LPIN2: variants seen among roughly 807,000 people sequenced by gnomAD.
LPIN2 encodes lipin 2, also known as phosphatidate phosphatase LPIN2.
LPIN2 carries 55 observed loss-of-function variants against 111.4 expected under a neutral mutation model. The observed-to-expected ratio is 0.49, with a 90% CI of 0.40 to 0.62. The LOEUF (loss-of-function observed/expected upper bound fraction) is 0.62. Among genes scored for constraint, LPIN2 ranks in the 20% least tolerant of loss-of-function variants. The pLI is 0.00. For missense variants in LPIN2, 992 were observed against 1,112.1 expected (o/e 0.89, Z 1.54); for synonymous variants, 425 against 414.0 (o/e 1.03, Z -0.32).
Position 2,950,998 on chromosome 18 carries a change from G to A in LPIN2, c.590+57C>T, listed in dbSNP as rs887983088. On this transcript the variant is annotated intron_variant, in intron 4 of 19. Transcript: ENST00000677752. ...ATCCATAAAAAAACTGGCAGCTCCT[G>A]GCTTCACATGAACTCTAGGTACCCG... 1.2e-5 allele frequency: 19 copies of A among 1,597,776 alleles called. No individual in the cohort carries two copies. In the African/African-American group the frequency reaches 2.3e-4, roughly 19 times the overall value.
At chr18:2,941,977 G>C (rs2077373342) in intron 4 of LPIN2, among the ~76,000 whole-genome samples, 1 of 152,100 alleles carries the variant, frequency 6.6e-6, no homozygotes, top group African/African-American at 2.4e-5. Context: ...CAAGTTTAAA[G>C]GCTTCTTATA....
At position 2,929,111 on chromosome 18, in the gene LPIN2, G is replaced by C. The variant is rs2077177749; in HGVS notation, c.1504C>G (p.Pro502Ala). 6.2e-7 allele frequency: 1 copy of C among 1,607,588 alleles called. No homozygotes were observed. The highest frequency in any genetic ancestry group is 8.5e-7 in the Non-Finnish European group (1 of 1,174,440). Residue 502 changes from proline to alanine, a missense_variant, in exon 10 of 20, where the codon CCT becomes GCT. By Grantham distance (27) the Pro-to-Ala change is conservative (BLOSUM62 -1). This residue lies in a region of LPIN2 where 709 missense variants were observed against 753.2 expected (regional missense o/e 0.94). Coordinates refer to ENST00000677752, the MANE Select transcript of LPIN2 (RefSeq NM_001375808.2). ...AGGTTAGGATTGTCTATAAGTCCAGGGTTTTCTGCAAATTCGTGATAAGTA... is the reference window on the plus strand; with the variant it reads ...AGGTTAGGATTGTCTATAAGTCCAGCGTTTTCTGCAAATTCGTGATAAGTA... ...IITYHEFAEN[P>A]GLIDNPNLVI...
rs562499770 is a variant in LPIN2 at position 3,005,632 on chromosome 18, G to GT, written c.-10+7454dup. On this transcript the variant is annotated intron_variant, in intron 1 of 19. Transcript: ENST00000677752. ...GTCCAGGCTGCAGTGAGCTGAAATC[G>GT]TGCCACTGTACTCCAGCCTGGACAA... Among the ~76,000 whole-genome samples, 837 of 151,784 alleles carry GT rather than the reference G, an allele frequency of 5.5e-3. 7 individuals carry two copies. Among genetic ancestry groups the GT allele is most frequent in the African/African-American group, 0.019 (789 of 41,410 alleles).
chr18:3,010,065 G>A (rs747022875), intron 1 of LPIN2, among the ~76,000 whole-genome samples: 17 of 152,244 alleles, frequency 1.1e-4, no homozygotes, highest in East Asian at 1.9e-4. Flanking sequence ...AAGTGGCCCC[G>A]GCAGGATTCT....
intron 7 of LPIN2, among the ~76,000 whole-genome samples, chr18:2,934,813 C>T (rs1240647434): frequency 2.6e-5 from 4 of 152,206 alleles, no homozygotes; most frequent in Non-Finnish European, 5.9e-5. Flanking sequence ...GAGGGCATTA[C>T]TCTAAAACCA....
intron 1 of LPIN2, among the ~76,000 whole-genome samples, chr18:2,994,733 G>C (rs1390335150): frequency 6.6e-6 from 1 of 152,166 alleles, no homozygotes; most frequent in Non-Finnish European, 1.5e-5. Flanking sequence ...CCAGATGCCA[G>C]TAGCACCCTC....
intron 1 of LPIN2, among the ~76,000 whole-genome samples, chr18:3,001,852 A>C (rs2078440184): frequency 6.6e-6 from 1 of 152,204 alleles, no homozygotes; most frequent in Non-Finnish European, 1.5e-5. Flanking sequence ...TAGCCTAATG[A>C]ATAAGAATCA....
chr18:2,931,044 A>C (rs1212527497), intron 9 of LPIN2, among the ~76,000 whole-genome samples: 1 of 152,194 alleles, frequency 6.6e-6, no homozygotes, highest in Non-Finnish European at 1.5e-5. Flanking sequence ...TAGAGCCTTT[A>C]AGGGCACACT....
chr18:2,979,138 AACT>A (rs2078067353), intron 1 of LPIN2: 1 of 152,224 alleles, frequency 6.6e-6, no homozygotes, highest in African/African-American at 2.4e-5. Context: ...CACCATGCCC[AACT>A]GAGATTTTTA....
chr18:2,993,433 T>C (rs1265713310), intron 1 of LPIN2, among the ~76,000 whole-genome samples: 2 of 152,186 alleles, frequency 1.3e-5, no homozygotes, highest in African/African-American at 4.8e-5. Context: ...CTCAATTTCC[T>C]CACCCAAAAA....
intron 18 of LPIN2, 183 bp downstream of exon 18, chr18:2,921,350 C>A: frequency 1.6e-6 from 1 of 643,782 alleles, no homozygotes; most frequent in South Asian, 1.8e-5. Context: ...CAGATCTGCA[C>A]CTGCAGGACC....
chr18:2,924,692 A>AG lies in LPIN2; in HGVS notation c.1939-147dup, dbSNP rs769907610. On this transcript the variant is annotated intron_variant, in intron 14 of 19. Transcript: ENST00000677752. Reference sequence around the variant, plus strand: ...CTTAGACACAGCCCACCCTGTGCCCAGCGCAGCTGACAATGCTGAGGGAGC... The same window carrying AG: ...CTTAGACACAGCCCACCCTGTGCCCAGGCGCAGCTGACAATGCTGAGGGAGC... The AG allele has an allele frequency of 1.6e-4, 131 of 815,504 alleles. 1 individual carries two copies. In the South Asian group the frequency reaches 1.9e-3, roughly 12 times the overall value. The allele number at this position is 815,504 out of a possible 1,614,324, so 50.5% of individuals were successfully genotyped here. A position where few individuals can be genotyped will look rare whatever the true frequency, so the allele number is the denominator to read the frequency against.
chr18:2,926,138 G>A (rs1568516319), intron 13 of LPIN2, among the ~76,000 whole-genome samples: 1 of 152,060 alleles, frequency 6.6e-6, no homozygotes, highest in Non-Finnish European at 1.5e-5. Context: ...ACAAAAACTA[G>A]TAAGAAAAAT....
intron 2 of LPIN2, among the ~76,000 whole-genome samples, chr18:2,959,877 T>C (rs1477977539): frequency 1.3e-5 from 2 of 150,936 alleles, no homozygotes; most frequent in Non-Finnish European, 3.0e-5. Context: ...AAAAAAAAAA[T>C]ATGGCCAGGT....
At position 3,007,563 on chromosome 18, in the gene LPIN2, A is replaced by G. The variant is rs113365727; in HGVS notation, c.-10+5524T>C. ...CGTCTCTCAGTGTTTACAAAGAAAAAAATAACACAGCCTCCTAAAACAAAC... is the reference window on the plus strand; with the variant it reads ...CGTCTCTCAGTGTTTACAAAGAAAAGAATAACACAGCCTCCTAAAACAAAC... On this transcript the variant is annotated intron_variant, in intron 1 of 19. Transcript: ENST00000677752. 3.0e-3 allele frequency among the ~76,000 whole-genome samples: 460 copies of G among 152,378 alleles called. 5 individuals are homozygous for G. The highest frequency in any genetic ancestry group is 0.011 in the African/African-American group (438 of 41,588).
rs971176238 is a variant in LPIN2 at position 2,946,460 on chromosome 18, T to C, written c.590+4595A>G. On this transcript the variant is annotated intron_variant, in intron 4 of 19. Coordinates refer to ENST00000677752, the MANE Select transcript of LPIN2 (RefSeq NM_001375808.2). ...GTGAAAGACTGGAACGCCTGGGTGA[T>C]ATGTGCAAGCATCGTCGGAATTGGT... 2.0e-5 allele frequency: 30 copies of C among 1,473,090 alleles called. No homozygotes were observed. In the Admixed American group the frequency reaches 2.7e-4, roughly 13 times the overall value. The allele number at this position is 1,473,090 out of a possible 1,614,324, so 91.3% of individuals were successfully genotyped here.
intron 1 of LPIN2, among the ~76,000 whole-genome samples, chr18:2,969,711 A>G (rs2077872939): frequency 1.3e-5 from 2 of 152,198 alleles, no homozygotes; most frequent in African/African-American, 4.8e-5. Flanking sequence ...AAAAACAAAT[A>G]CACGCTCATG....
At chr18:2,943,517 A>G (rs2077398270) in intron 4 of LPIN2, among the ~76,000 whole-genome samples, 1 of 152,158 alleles carries the variant, frequency 6.6e-6, no homozygotes, top group Non-Finnish European at 1.5e-5. Flanking sequence ...TCACTGCTTC[A>G]AATAATATTT....
intron 4 of LPIN2, chr18:2,950,613 TC>T (rs1177054797): frequency 8.6e-6 from 2 of 233,470 alleles, no homozygotes; most frequent in African/African-American, 2.3e-5. Context: ...TAAGCAGCGA[TC>T]AAGACTGCTC....
Sources: gnomAD v4.1 joint callset for allele counts (sites outside exome capture counted in the v4.1 genomes callset) on GRCh38, gnomAD v4.1.1 for gene constraint, gnomAD v4.1.1 regional missense constraint, MANE v1.5 for transcripts, NCBI Gene and HGNC (gene_info 2026-07-23, HGNC 2026-07-21) for gene names.